Variants in CORO1C observed in about 807,000 individuals in gnomAD.
The protein encoded by CORO1C is coronin 1C, also known as coronin-1C.
Under a neutral mutation model 51.2 loss-of-function variants are expected in CORO1C, and 14 were observed. That is an observed-to-expected ratio of 0.27 (90% CI 0.18 to 0.43). The LOEUF is 0.43. Among genes scored for constraint, CORO1C ranks in the 20% least tolerant of loss-of-function variants. The pLI is 1.00. For missense variants in CORO1C, 417 were observed against 607.8 expected (o/e 0.69, Z 3.30); for synonymous variants, 181 against 210.5 (o/e 0.86, Z 1.21).
Position 108,680,034 on chromosome 12 carries a change from A to C in CORO1C, c.196-1640T>G, listed in dbSNP as rs570981859. ...TCACATTATTAGTTCTTCTAGTACA[A>C]TAATTTACTCCATCATTAAGAATTA... is the stretch of plus-strand genomic sequence containing the variant. On this transcript the variant is annotated intron_variant, in intron 2 of 10. Transcript: ENST00000261401. Among the ~76,000 whole-genome samples the C allele has an allele frequency of 2.0e-5, 3 of 152,362 alleles. No individual in the cohort carries two copies. In the South Asian group the frequency reaches 6.2e-4, roughly 32 times the overall value.
chr12:108,671,416 A>G (rs2033715219), intron 3 of CORO1C, among the ~76,000 whole-genome samples: 1 of 151,960 alleles, frequency 6.6e-6, no homozygotes, highest in African/African-American at 2.4e-5. Flanking sequence ...AAGACAAAGC[A>G]TATGGATAAC....
At position 108,661,461 on chromosome 12, in the gene CORO1C, G is replaced by A. The variant is rs146155338; in HGVS notation, c.448+568C>T. Among the ~76,000 whole-genome samples the A allele has an allele frequency of 7.0e-3, 1,065 of 152,286 alleles. 14 individuals are homozygous for A. The highest frequency in any genetic ancestry group is 0.024 in the African/African-American group (1,007 of 41,556). On this transcript the variant is annotated intron_variant, in intron 4 of 10. Coordinates refer to ENST00000261401, the MANE Select transcript of CORO1C (RefSeq NM_014325.4). Reference sequence around the variant, plus strand: ...GTAAAATAATTTATGTATGTGCACAGAAATATCTTTCGGAAAGAAACATCA... The same window carrying A: ...GTAAAATAATTTATGTATGTGCACAAAAATATCTTTCGGAAAGAAACATCA...
intron 2 of CORO1C, among the ~76,000 whole-genome samples, chr12:108,685,614 T>TA (rs200626934): frequency 9.0e-4 from 135 of 150,342 alleles, no homozygotes; most frequent in East Asian, 8.7e-3. Context: ...CCATGGGTTG[T>TA]AAAAAAAAGG....
intron 6 of CORO1C, among the ~76,000 whole-genome samples, chr12:108,655,923 C>G (rs895629205): frequency 2.0e-5 from 3 of 151,760 alleles, no homozygotes; most frequent in Non-Finnish European, 4.4e-5. Flanking sequence ...GCCATCCCGT[C>G]TAGGAAGTGA....
chr12:108,659,595 G>A (rs944671380), intron 4 of CORO1C, among the ~76,000 whole-genome samples: 3 of 152,320 alleles, frequency 2.0e-5, no homozygotes, highest in East Asian at 3.9e-4. Context: ...GCTGCTTTCT[G>A]CACTTGGTGG....
chr12:108,699,140 T>C (rs914155588), intron 2 of CORO1C, among the ~76,000 whole-genome samples: 1 of 152,236 alleles, frequency 6.6e-6, no homozygotes, highest in African/African-American at 2.4e-5. Context: ...CAACTTATTC[T>C]ATCCTAGTTC....
intron 2 of CORO1C, among the ~76,000 whole-genome samples, chr12:108,682,575 A>G (rs923864359): frequency 2.0e-5 from 3 of 152,204 alleles, no homozygotes; most frequent in Non-Finnish European, 4.4e-5. Flanking sequence ...AGAAAATGAC[A>G]AAGTCATAAT....
At chr12:108,678,625 C>T (rs2033995333) in intron 2 of CORO1C, among the ~76,000 whole-genome samples, 1 of 150,458 alleles carries the variant, frequency 6.6e-6, no homozygotes, top group Non-Finnish European at 1.5e-5. Context: ...ACCAACTGCA[C>T]TAGCAGACAT....
intron 2 of CORO1C, among the ~76,000 whole-genome samples, chr12:108,686,177 G>A (rs1207346414): frequency 1.3e-5 from 2 of 152,162 alleles, no homozygotes; most frequent in African/African-American, 2.4e-5. Flanking sequence ...TCATTCGTCT[G>A]CACGACACAT....
chr12:108,655,526 C>T (rs951352744), intron 6 of CORO1C, among the ~76,000 whole-genome samples: 4 of 152,194 alleles, frequency 2.6e-5, no homozygotes, highest in African/African-American at 7.2e-5. Context: ...ATTGCAAGCG[C>T]GCACCGCCAC....
At chr12:108,673,798 C>T (rs1016325249) in intron 3 of CORO1C, among the ~76,000 whole-genome samples, 5 of 152,180 alleles carry the variant, frequency 3.3e-5, no homozygotes, top group South Asian at 2.1e-4. Context: ...TTAATGGGTG[C>T]AGCACACCAG....
intron 1 of CORO1C, among the ~76,000 whole-genome samples, chr12:108,725,577 C>G (rs1313350954): frequency 6.6e-6 from 1 of 152,170 alleles, no homozygotes; most frequent in East Asian, 1.9e-4. Flanking sequence ...GCCCTAAAGG[C>G]CTGCACCCTC....
chr12:108,649,602 T>C (rs2032548006), intron 8 of CORO1C: 1 of 157,070 alleles, frequency 6.4e-6, no homozygotes, highest in South Asian at 1.9e-4. Flanking sequence ...ACTTGCACTG[T>C]AATACTGGAA....
Position 108,728,401 on chromosome 12 carries a change from T to G in CORO1C, c.-6+3028A>C, listed in dbSNP as rs557811445. ...ACACATATAAACCTTGAAAATATGC[T>G]AAATAAGGGCAAGACACAAAAGACC... On this transcript the variant is annotated intron_variant, in intron 1 of 10. Coordinates refer to ENST00000261401, the MANE Select transcript of CORO1C (RefSeq NM_014325.4). Among the ~76,000 whole-genome samples, 3 of 151,566 alleles carry G rather than the reference T, an allele frequency of 2.0e-5. No homozygotes were observed. The South Asian group carries it at 6.3e-4, about 32-fold the overall frequency.
intron 3 of CORO1C, among the ~76,000 whole-genome samples, chr12:108,668,054 T>C (rs2033557962): frequency 6.6e-6 from 1 of 152,168 alleles, no homozygotes; most frequent in Non-Finnish European, 1.5e-5. Context: ...GTTACAGCCA[T>C]AAAAAGGGTT....
In CORO1C at chr12:108,701,268, C is replaced by T. The variant is rs779418934; in HGVS notation, c.51G>A (p.Ala17=). The change falls in exon 2 of 11, where the codon GCG becomes GCA. Residue 17 remains alanine (A), a synonymous_variant. Transcript: ENST00000261401. ...QSKFRHVFGQ[A]VKNDQCYDDI... ...CATCATAGCACTGGTCATTTTTCAC[C>T]GCTTGCCCAAATACATGCCGAAACT... The T allele has an allele frequency of 2.4e-5, 38 of 1,614,024 alleles. No individual in the cohort carries two copies. Among genetic ancestry groups the T allele is most frequent in the East Asian group, 2.0e-4 (9 of 44,902 alleles).
chr12:108,680,528 A>T (rs2034088543), intron 2 of CORO1C, among the ~76,000 whole-genome samples: 1 of 152,236 alleles, frequency 6.6e-6, no homozygotes, highest in Non-Finnish European at 1.5e-5. Context: ...CCCAGAGTGT[A>T]GTCATGGTTC....
intron 7 of CORO1C, among the ~76,000 whole-genome samples, chr12:108,653,315 C>T (rs2032765960): frequency 6.6e-6 from 1 of 152,186 alleles, no homozygotes; most frequent in African/African-American, 2.4e-5. Flanking sequence ...GCAACAACAG[C>T]AAGGTAAATG....
intron 8 of CORO1C, among the ~76,000 whole-genome samples, chr12:108,651,470 A>G (rs1250431992): frequency 2.0e-5 from 3 of 152,220 alleles, no homozygotes; most frequent in Non-Finnish European, 4.4e-5. Context: ...ATCATAGCTG[A>G]ACTTCCTAAA....
Sources: allele counts gnomAD v4.1 joint callset (sites outside exome capture counted in the v4.1 genomes callset), GRCh38; gene constraint gnomAD v4.1.1; transcripts MANE v1.5; gene names NCBI Gene and HGNC (gene_info 2026-07-23, HGNC 2026-07-21).